The following CACNA1C variants were observed in gnomAD, a reference collection of about 807,000 sequenced individuals.
CACNA1C encodes the protein voltage-dependent L-type calcium channel subunit alpha-1C.
Under a neutral mutation model 229.0 loss-of-function variants are expected in CACNA1C, and 30 were observed. The observed-to-expected ratio is 0.13, with a 90% CI of 0.10 to 0.18. The LOEUF (loss-of-function observed/expected upper bound fraction) is 0.18. CACNA1C is among the 10% of genes least tolerant of loss of function. The pLI is 1.00. For synonymous variants in CACNA1C, 1,114 were observed against 1,132.5 expected, an observed-to-expected ratio of 0.98 and a Z score of 0.33; for missense variants, 1,658 against 2,845.0, an observed-to-expected ratio of 0.58 and a Z score of 9.49.
chr12:2,299,172 A>G (rs2094350653), intron 3 of CACNA1C, among the ~76,000 whole-genome samples: 1 of 152,208 alleles, frequency 6.6e-6, no homozygotes, highest in African/African-American at 2.4e-5. Context: ...TTTATGCGCT[A>G]TGCGTTAGAA....
At chr12:2,270,723 G>A (rs1353814569) in intron 3 of CACNA1C, among the ~76,000 whole-genome samples, 2 of 152,186 alleles carry the variant, frequency 1.3e-5, no homozygotes, top group Admixed American at 6.5e-5. Flanking sequence ...TCTTAAGTAG[G>A]GCTCGTGGTC....
chr12:2,375,257 C>T (rs1225894636), intron 3 of CACNA1C, among the ~76,000 whole-genome samples: 3 of 152,176 alleles, frequency 2.0e-5, no homozygotes, highest in African/African-American at 7.2e-5. Context: ...TGGCATCTTC[C>T]CTGTGCTGCC....
At chr12:2,271,949 T>C (rs2085221965) in intron 3 of CACNA1C, among the ~76,000 whole-genome samples, 1 of 152,180 alleles carries the variant, frequency 6.6e-6, no homozygotes, top group Non-Finnish European at 1.5e-5. Flanking sequence ...GCATGCCATG[T>C]GCCATGCAAA....
rs562099400 is a variant in CACNA1C at position 2,106,745 on chromosome 12, T to C, written c.50-8479T>C. 6.0e-3 allele frequency among the ~76,000 whole-genome samples: 582 copies of C among 97,220 alleles called. 8 individuals are homozygous for C. The highest frequency in any genetic ancestry group is 0.025 in the African/African-American group (546 of 22,154). The allele number at this position is 97,220 out of a possible 152,430, so 63.8% of individuals were successfully genotyped here. A position where few individuals can be genotyped will look rare whatever the true frequency, so the allele number is the denominator to read the frequency against. The stretch of plus-strand genomic sequence containing the variant: ...AGCTGGGCGTCCTGAAGCCACTGGG[T>C]GCTCACCCTGGAGAGGGTTTCCACC... On this transcript the variant is annotated intron_variant, in intron 1 of 46. Transcript: ENST00000399655.
intron 3 of CACNA1C, among the ~76,000 whole-genome samples, chr12:2,387,400 G>T (rs144155632): frequency 2.0e-5 from 3 of 152,088 alleles, no homozygotes. Context: ...CAGGAGAATC[G>T]CTTGAAACCG....
intron 7 of CACNA1C, among the ~76,000 whole-genome samples, chr12:2,496,100 C>T (rs2099746286): frequency 6.6e-6 from 1 of 152,188 alleles, no homozygotes; most frequent in African/African-American, 2.4e-5. Flanking sequence ...ACCCAAACCT[C>T]CCTCAGAGCC....
intron 10 of CACNA1C, chr12:2,550,709 C>T (rs202224415): frequency 9.6e-5 from 123 of 1,283,738 alleles, no homozygotes; most frequent in Admixed American, 3.3e-4. Context: ...CGGGGCAGGG[C>T]GGCATCTCCC....
chr12:2,545,063 T>G (rs1732424832), intron 9 of CACNA1C, among the ~76,000 whole-genome samples: 1 of 152,196 alleles, frequency 6.6e-6, no homozygotes, highest in South Asian at 2.1e-4. Flanking sequence ...CTTTGGGAAG[T>G]GCTTTGGAGC....
intron 9 of CACNA1C, among the ~76,000 whole-genome samples, chr12:2,542,329 C>G (rs754685998): frequency 4.6e-5 from 7 of 152,148 alleles, no homozygotes; most frequent in Non-Finnish European, 1.0e-4. Flanking sequence ...ACACAGCCTG[C>G]GGCAGATTCA....
intron 29 of CACNA1C, chr12:2,613,185 C>A (rs2078707099): frequency 6.6e-6 from 1 of 152,208 alleles, no homozygotes; most frequent in Non-Finnish European, 1.5e-5. Flanking sequence ...TTCACTCACA[C>A]TTTGGATTCC....
intron 3 of CACNA1C, among the ~76,000 whole-genome samples, chr12:2,408,574 A>G (rs912358504): frequency 1.3e-5 from 2 of 150,308 alleles, no homozygotes; most frequent in Non-Finnish European, 3.0e-5. Flanking sequence ...GTTATTCCTC[A>G]GGTCCTGGGG....
chr12:2,635,855 C>CATGTGTGT (rs979915632), intron 30 of CACNA1C, among the ~76,000 whole-genome samples: 1 of 151,998 alleles, frequency 6.6e-6, no homozygotes, highest in Non-Finnish European at 1.5e-5. Context: ...AGCATGTGTG[C>CATGTGTGT]ATGTGTGTAT....
At chr12:2,337,467 T>C (rs577371814) in intron 3 of CACNA1C, among the ~76,000 whole-genome samples, 166 of 152,306 alleles carry the variant, frequency 1.1e-3, no homozygotes, top group African/African-American at 3.9e-3. Flanking sequence ...TCATGGAGGC[T>C]GGGATAGTTG....
In CACNA1C at chr12:2,606,376, G is replaced by A. The variant is rs2075351456; in HGVS notation, c.3157-235G>A. Among the ~76,000 whole-genome samples, 5 of 152,044 alleles carry A rather than the reference G, an allele frequency of 3.3e-5. No homozygotes were observed. The South Asian group carries it at 1.0e-3, about 32-fold the overall frequency. On this transcript the variant is annotated intron_variant, in intron 24 of 46. Coordinates refer to ENST00000399655, the MANE Select transcript of CACNA1C (RefSeq NM_000719.7). ...CTCCCTGGCGAGACCTCCCCGGAGA[G>A]TACAGCTCCCATGGACCCGAGCTCC...
chr12:2,553,448 C>T (rs2042402856), intron 10 of CACNA1C, among the ~76,000 whole-genome samples: 2 of 152,176 alleles, frequency 1.3e-5, no homozygotes, highest in Non-Finnish European at 2.9e-5. Flanking sequence ...CATCTCATCT[C>T]CCAAAGCAAG....
intron 3 of CACNA1C, among the ~76,000 whole-genome samples, chr12:2,223,116 A>G (rs972441234): frequency 6.6e-6 from 1 of 152,208 alleles, no homozygotes; most frequent in Non-Finnish European, 1.5e-5. Context: ...GGACAGGGAT[A>G]TCCTACTTGG....
chr12:2,027,443 A>G (rs1336463112), intron 1 of CACNA1C, among the ~76,000 whole-genome samples: 1 of 152,160 alleles, frequency 6.6e-6, no homozygotes, highest in Non-Finnish European at 1.5e-5. Flanking sequence ...CAGCTCCTAG[A>G]TACTGAAAAT....
intron 1 of CACNA1C, among the ~76,000 whole-genome samples, chr12:2,000,317 A>C (rs918877459): frequency 5.9e-5 from 9 of 152,210 alleles, no homozygotes; most frequent in African/African-American, 2.2e-4. Context: ...ACAAGATCAA[A>C]ACACTCTCCT....
chr12:2,662,883 A>C (rs1182335888), intron 34 of CACNA1C, among the ~76,000 whole-genome samples: 1 of 152,264 alleles, frequency 6.6e-6, no homozygotes, highest in Non-Finnish European at 1.5e-5. Flanking sequence ...TCAATTAAGT[A>C]GGTGAAGATG....
Sources: gnomAD v4.1 joint callset for allele counts (sites outside exome capture counted in the v4.1 genomes callset) on GRCh38, gnomAD v4.1.1 for gene constraint, MANE v1.5 for transcripts, NCBI Gene and HGNC (gene_info 2026-07-23, HGNC 2026-07-21) for gene names.